TANGO6: variants seen among roughly 807,000 people sequenced by gnomAD.
TANGO6 encodes the protein transport and Golgi organization protein 6 homolog.
TANGO6 carries 90 observed loss-of-function variants against 114.2 expected under a neutral mutation model. The observed-to-expected ratio is 0.79, with a 90% confidence interval of 0.66 to 0.94. The LOEUF (loss-of-function observed/expected upper bound fraction) is 0.94, where lower values mean the gene tolerates loss of function less well. TANGO6 is among the 40% of genes least tolerant of loss of function. The pLI, the probability that TANGO6 is intolerant of heterozygous loss-of-function variation, is 0.00. For missense variants in TANGO6, 1,274 were observed against 1,315.3 expected, an observed-to-expected ratio of 0.97 and a Z score of 0.49; for synonymous variants, 477 against 509.8, an observed-to-expected ratio of 0.94 and a Z score of 0.87.
intron 17 of TANGO6, among the ~76,000 whole-genome samples, chr16:69,072,122 CGTGTGTGTGTGTGT>C (rs10687062): frequency 2.6e-5 from 3 of 116,684 alleles, no homozygotes; most frequent in African/African-American, 7.1e-5. Flanking sequence ...AGAGGGAGAC[CGTGTGTGTGTGTGT>C]GTGTGTGTGT....
At chr16:68,996,903 A>G (rs577372991) in intron 15 of TANGO6, among the ~76,000 whole-genome samples, 1 of 152,326 alleles carries the variant, frequency 6.6e-6, no homozygotes, top group East Asian at 1.9e-4. Flanking sequence ...AGAAGATTAA[A>G]ATTCAAAGAT....
rs1295911648 is a variant in TANGO6 at position 68,843,596 on chromosome 16, A to G, written c.-22A>G. ...TGCCGAGGCGCCTGAGCGGGTCGCG[A>G]GCGTGGTGTTACACTCCAGTCATGG... On this transcript the variant is annotated 5_prime_UTR_variant, in exon 1 of 18. Transcript: ENST00000261778. The G allele has an allele frequency of 2.5e-6, 4 of 1,609,508 alleles. No individual in the cohort carries two copies. The highest frequency in any genetic ancestry group is 3.4e-6 in the Non-Finnish European group (4 of 1,177,620).
intron 3 of TANGO6, among the ~76,000 whole-genome samples, chr16:68,866,629 CAAA>C (rs58469159): frequency 3.8e-5 from 4 of 104,776 alleles, no homozygotes. Context: ...GACTCCGTCT[CAAA>C]AAAAAAAAAA....
chr16:69,013,043 G>A (rs747921802), intron 15 of TANGO6, among the ~76,000 whole-genome samples: 17 of 151,884 alleles, frequency 1.1e-4, no homozygotes, highest in Non-Finnish European at 2.1e-4. Flanking sequence ...TACTCAAATA[G>A]GTTAGCCAAT....
Position 68,859,114 on chromosome 16 carries a change from C to T in TANGO6, c.95-770C>T, listed in dbSNP as rs1473476227. Among the ~76,000 whole-genome samples, 4 of 152,182 alleles carry T rather than the reference C, an allele frequency of 2.6e-5. No homozygotes were observed. In the East Asian group the frequency reaches 7.7e-4, roughly 29 times the overall value. On this transcript the variant is annotated intron_variant, in intron 1 of 17. Coordinates refer to ENST00000261778, the MANE Select transcript of TANGO6 (RefSeq NM_024562.2). ...GAGCCCTGTGTCCATATTTTGTGAT[C>T]TTCCTCACTAGAATGTAAGTTCCAT...
chr16:68,894,843 A>G (rs1321183556), intron 7 of TANGO6, among the ~76,000 whole-genome samples: 2 of 151,994 alleles, frequency 1.3e-5, no homozygotes, highest in African/African-American at 4.8e-5. Context: ...CTTTTTCATC[A>G]CTGTACGTGG....
intron 17 of TANGO6, among the ~76,000 whole-genome samples, chr16:69,056,539 CAT>C (rs909109235): frequency 6.6e-6 from 1 of 150,908 alleles, no homozygotes; most frequent in African/African-American, 2.4e-5. Flanking sequence ...AGACTCAGTA[CAT>C]GTTAGCCTAT....
intron 17 of TANGO6, among the ~76,000 whole-genome samples, chr16:69,057,716 C>T (rs1168325265): frequency 6.6e-6 from 1 of 152,184 alleles, no homozygotes; most frequent in Non-Finnish European, 1.5e-5. Context: ...GACCACATCC[C>T]TTTGGCGTAT....
intron 12 of TANGO6, among the ~76,000 whole-genome samples, chr16:68,921,067 C>T (rs1403322744): frequency 1.5e-5 from 2 of 137,916 alleles, no homozygotes; most frequent in Non-Finnish European, 3.0e-5. Context: ...TGCAGTGAGC[C>T]GAGATCGCGC....
intron 15 of TANGO6, among the ~76,000 whole-genome samples, chr16:68,984,047 A>G (rs1033945363): frequency 1.3e-5 from 2 of 152,012 alleles, no homozygotes; most frequent in African/African-American, 2.4e-5. Flanking sequence ...AGAAAAAAAA[A>G]AAAAAAAGAA....
chr16:68,958,567 G>T (rs1488193610), intron 14 of TANGO6, among the ~76,000 whole-genome samples: 1 of 150,774 alleles, frequency 6.6e-6, no homozygotes, highest in Non-Finnish European at 1.5e-5. Flanking sequence ...GGAAAGAAAA[G>T]AAAGGAAAGA....
intron 15 of TANGO6, among the ~76,000 whole-genome samples, chr16:68,992,435 A>G (rs1326434010): frequency 6.6e-6 from 1 of 152,230 alleles, no homozygotes; most frequent in Non-Finnish European, 1.5e-5. Flanking sequence ...ATGAAATTAA[A>G]TAAGATAATT....
chr16:68,895,558 C>G (rs1274554129), intron 7 of TANGO6, among the ~76,000 whole-genome samples: 2 of 151,964 alleles, frequency 1.3e-5, no homozygotes, highest in African/African-American at 2.4e-5. Flanking sequence ...ATTCCTGGAC[C>G]AATTATATGT....
chr16:68,866,541 T>C (rs1299062098), intron 3 of TANGO6, among the ~76,000 whole-genome samples: 1 of 149,630 alleles, frequency 6.7e-6, no homozygotes, highest in Non-Finnish European at 1.5e-5. Context: ...GAGAATGGCG[T>C]GAACCCGGGA....
intron 14 of TANGO6, among the ~76,000 whole-genome samples, chr16:68,965,970 G>A (rs987996459): frequency 1.3e-5 from 2 of 152,084 alleles, no homozygotes; most frequent in Admixed American, 6.6e-5. Context: ...AGTGGCTCAC[G>A]CCTGTAATCC....
intron 17 of TANGO6, among the ~76,000 whole-genome samples, chr16:69,063,802 C>CTTATTATTA (rs1458969247): frequency 1.6e-5 from 2 of 124,420 alleles, no homozygotes; most frequent in East Asian, 2.2e-4. Context: ...TCTTCTTCTT[C>CTTATTATTA]TTCTTCTTAT....
intron 2 of TANGO6, among the ~76,000 whole-genome samples, chr16:68,862,439 C>T (rs186138705): frequency 5.3e-5 from 8 of 152,090 alleles, no homozygotes; most frequent in Non-Finnish European, 1.0e-4. Flanking sequence ...TCAGGAGATC[C>T]GCCCCCCTCG....
Position 68,953,046 on chromosome 16 carries a change from ATTT to A in TANGO6, c.2702-20978_2702-20976del, listed in dbSNP as rs564703176. On this transcript the variant is annotated intron_variant, in intron 14 of 17. Coordinates refer to ENST00000261778, the MANE Select transcript of TANGO6 (RefSeq NM_024562.2). ...TAAAATGTTCATTCACTCAACAGGT[ATTT>A]TTTATTATTATTATTATTATTATTA... Among the ~76,000 whole-genome samples the A allele has an allele frequency of 6.4e-3, 669 of 105,130 alleles. 3 individuals carry two copies. Among genetic ancestry groups the A allele is most frequent in the Non-Finnish European group, 8.5e-3 (463 of 54,652 alleles). 69.0% of individuals were successfully genotyped at this position (105,130 alleles called of 152,430 possible). A position where few individuals can be genotyped will look rare whatever the true frequency, so the allele number is the denominator to read the frequency against.
At chr16:69,080,494 G>A (rs117113487) in intron 17 of TANGO6, among the ~76,000 whole-genome samples, 4,756 of 152,276 alleles carry the variant, frequency 0.031, 111 homozygotes, top group Non-Finnish European at 0.048. Flanking sequence ...AGGCTGCAGT[G>A]AGCTATGATT....
Sources: gnomAD v4.1 joint callset for allele counts (sites outside exome capture counted in the v4.1 genomes callset) on GRCh38, gnomAD v4.1.1 for gene constraint, MANE v1.5 for transcripts, NCBI Gene and HGNC (gene_info 2026-07-23, HGNC 2026-07-21) for gene names.